The following PLAC1 variants were observed in gnomAD, a reference collection of about 807,000 sequenced individuals.
PLAC1 encodes the protein placenta associated 1.
For missense variants in PLAC1, 136 were observed against 163.2 expected (o/e 0.83, Z 0.91); for synonymous variants, 68 against 62.1 (o/e 1.09, Z -0.44).
At chrX:134,695,783 GGAAAACTT>G (rs1292469089) in intron 2 of PLAC1, among the ~76,000 whole-genome samples, 2 of 111,838 alleles carry the variant, frequency 1.8e-5, no homozygotes, top group Admixed American at 1.9e-4. Flanking sequence ...ATCATGTGCT[GGAAAACTT>G]GAAAACTTAA....
chrX:134,723,726 T>C, intron 2 of PLAC1, among the ~76,000 whole-genome samples: 1 of 111,877 alleles, frequency 8.9e-6, no homozygotes, highest in Non-Finnish European at 1.9e-5. Context: ...TAAAATAAAA[T>C]AATGGTGGGT....
chrX:134,602,977 A>T (rs1016166718), intron 1 of PLAC1, among the ~76,000 whole-genome samples: 6 of 107,773 alleles, frequency 5.6e-5, no homozygotes, highest in Admixed American at 2.0e-4. Context: ...GTGAATTTTT[A>T]AAAATCTCAT....
At chrX:134,584,050 T>C (rs1405094193) in intron 2 of PLAC1, among the ~76,000 whole-genome samples, 1 of 107,411 alleles carries the variant, frequency 9.3e-6, no homozygotes, top group East Asian at 2.9e-4. Context: ...CAGGCAGGCA[T>C]CTGGGCAGGC....
intron 2 of PLAC1, among the ~76,000 whole-genome samples, chrX:134,579,987 G>A (rs1293737396): frequency 1.8e-5 from 2 of 112,025 alleles, no homozygotes; most frequent in East Asian, 5.6e-4. Flanking sequence ...TAGATGGGCC[G>A]TTTAATTTCC....
At chrX:134,737,509 G>A (rs1232460921) in intron 1 of PLAC1, among the ~76,000 whole-genome samples, 2 of 112,730 alleles carry the variant, frequency 1.8e-5, no homozygotes, top group Non-Finnish European at 3.8e-5. Flanking sequence ...CAAGTCACCT[G>A]CCTGTTCACT....
At chrX:134,736,895 C>T (rs867866680) in intron 1 of PLAC1, among the ~76,000 whole-genome samples, 4 of 112,362 alleles carry the variant, frequency 3.6e-5, no homozygotes, top group Admixed American at 9.4e-5. Flanking sequence ...AGATTGATCA[C>T]GAGAAATCCA....
intron 1 of PLAC1, chrX:134,607,439 CT>C (rs2078127805): frequency 7.6e-6 from 1 of 131,232 alleles, no homozygotes; most frequent in African/African-American, 3.2e-5. Flanking sequence ...ATATTAAGCA[CT>C]TTATTAAGAG....
chrX:134,715,156 G>T (rs774914738), intron 2 of PLAC1, among the ~76,000 whole-genome samples: 40 of 111,708 alleles, frequency 3.6e-4, no homozygotes, highest in African/African-American at 1.2e-3. Context: ...TTGACAGAAG[G>T]TTATACTGAG....
At chrX:134,644,301 T>G (rs2078321073) in intron 1 of PLAC1, among the ~76,000 whole-genome samples, 1 of 111,172 alleles carries the variant, frequency 9.0e-6, no homozygotes, top group Non-Finnish European at 1.9e-5. Context: ...AGAAGGAAAT[T>G]CTTCTCTCTA....
chrX:134,674,891 C>T (rs1394949473), intron 2 of PLAC1, among the ~76,000 whole-genome samples: 7 of 112,591 alleles, frequency 6.2e-5, no homozygotes, highest in Admixed American at 1.9e-4. Context: ...GGCCTAAGCT[C>T]TGCTTTCACA....
chrX:134,686,498 G>A (rs146694941), intron 2 of PLAC1, among the ~76,000 whole-genome samples: 31 of 111,965 alleles, frequency 2.8e-4, no homozygotes, highest in Middle Eastern at 4.6e-3. Context: ...GCAATACTAG[G>A]TGAGAGAGTG....
At chrX:134,723,611 C>A (rs1212599758) in intron 2 of PLAC1, among the ~76,000 whole-genome samples, 2 of 110,770 alleles carry the variant, frequency 1.8e-5, no homozygotes, top group African/African-American at 3.3e-5. Flanking sequence ...CAGCTCCCAG[C>A]CAAGAATGTA....
chrX:134,696,410 T>C (rs923197617), intron 2 of PLAC1, among the ~76,000 whole-genome samples: 6 of 111,480 alleles, frequency 5.4e-5, no homozygotes, highest in African/African-American at 1.6e-4. Context: ...CCAAAGAATA[T>C]CCAATCAATT....
chrX:134,667,180 C>T (rs2078440072), intron 2 of PLAC1, among the ~76,000 whole-genome samples: 2 of 112,124 alleles, frequency 1.8e-5, no homozygotes, highest in Non-Finnish European at 3.8e-5. Flanking sequence ...ATGGAGACTT[C>T]ATGAAAATTA....
intron 1 of PLAC1, among the ~76,000 whole-genome samples, chrX:134,736,492 T>A (rs2078703591): frequency 9.1e-6 from 1 of 110,153 alleles, no homozygotes; most frequent in South Asian, 3.9e-4. Flanking sequence ...CCCCGACTCC[T>A]GCTTCTTAAG....
At chrX:134,670,022 C>A (rs2147810237) in intron 2 of PLAC1, among the ~76,000 whole-genome samples, 1 of 107,656 alleles carries the variant, frequency 9.3e-6, no homozygotes, top group South Asian at 4.4e-4. Flanking sequence ...CTCCCCACCC[C>A]ACCCCCACCC....
intron 2 of PLAC1, among the ~76,000 whole-genome samples, chrX:134,697,846 C>T (rs1196287071): frequency 1.8e-5 from 2 of 111,221 alleles, no homozygotes; most frequent in African/African-American, 3.3e-5. Context: ...CCAGCCTGGG[C>T]GACAGAGTGA....
At chrX:134,696,671 C>T (rs1435744972) in intron 2 of PLAC1, among the ~76,000 whole-genome samples, 1 of 111,558 alleles carries the variant, frequency 9.0e-6, no homozygotes, top group Non-Finnish European at 1.9e-5. Context: ...TCCACAGGCT[C>T]TTCTCCCCAA....
At chrX:134,686,417 TAAAC>T (rs1326545713) in intron 2 of PLAC1, among the ~76,000 whole-genome samples, 1 of 111,455 alleles carries the variant, frequency 9.0e-6, no homozygotes, top group African/African-American at 3.3e-5. Context: ...GAAAAGTAAA[TAAAC>T]AAAGAAAATA....
Sources: gnomAD v4.1 joint callset for allele counts (sites outside exome capture counted in the v4.1 genomes callset) on GRCh38, gnomAD v4.1.1 for gene constraint, MANE v1.5 for transcripts, NCBI Gene and HGNC (gene_info 2026-07-23, HGNC 2026-07-21) for gene names.